SMYD3: variants seen among roughly 807,000 people sequenced by gnomAD.
SMYD3 encodes the protein histone-lysine N-methyltransferase SMYD3.
SMYD3 carries 36 observed loss-of-function variants against 57.7 expected under a neutral mutation model. The observed-to-expected ratio is 0.62, with a 90% CI of 0.48 to 0.82. The LOEUF is 0.82. SMYD3 is among the 40% of genes least tolerant of loss of function. The probability of loss-of-function intolerance (pLI) is 0.00; values close to 1 mark genes in which losing one functional copy is unlikely to be tolerated. For synonymous variants in SMYD3, 211 were observed against 195.0 expected (o/e 1.08, Z -0.68); for missense variants, 515 against 538.8 (o/e 0.96, Z 0.44).
intron 11 of SMYD3, among the ~76,000 whole-genome samples, chr1:245,751,542 A>AAGAG (rs1265115060): frequency 1.8e-4 from 23 of 129,520 alleles, no homozygotes; most frequent in Non-Finnish European, 2.8e-4. Context: ...AAGAGAGAGA[A>AAGAG]AGAGAGAGAG....
At chr1:245,866,792 G>T (rs888557898) in intron 8 of SMYD3, among the ~76,000 whole-genome samples, 1 of 152,092 alleles carries the variant, frequency 6.6e-6, no homozygotes, top group African/African-American at 2.4e-5. Flanking sequence ...CTTTAAGCCC[G>T]TATTCATCTC....
chr1:245,834,502 G>C (rs535932681), intron 10 of SMYD3, among the ~76,000 whole-genome samples: 1 of 152,154 alleles, frequency 6.6e-6, no homozygotes, highest in African/African-American at 2.4e-5. Context: ...TAACTGCCAG[G>C]ACTCATACCT....
intron 1 of SMYD3, among the ~76,000 whole-genome samples, chr1:246,363,990 A>C (rs2066054880): frequency 6.6e-6 from 1 of 152,168 alleles, no homozygotes; most frequent in Admixed American, 6.5e-5. Context: ...CAGAGAAGTC[A>C]ATGTGGTGCT....
intron 5 of SMYD3, among the ~76,000 whole-genome samples, chr1:246,046,702 T>C (rs2059972300): frequency 6.7e-6 from 1 of 149,186 alleles, no homozygotes; most frequent in Non-Finnish European, 1.5e-5. Flanking sequence ...GAAGAAATTT[T>C]ATATACATAT....
At chr1:245,848,828 G>C (rs937421804) in intron 10 of SMYD3, among the ~76,000 whole-genome samples, 3 of 152,174 alleles carry the variant, frequency 2.0e-5, no homozygotes, top group Admixed American at 2.0e-4. Flanking sequence ...AAGGGAAACA[G>C]GTATCCTTGC....
intron 5 of SMYD3, among the ~76,000 whole-genome samples, chr1:246,014,530 G>T (rs922674299): frequency 2.6e-5 from 4 of 152,026 alleles, no homozygotes; most frequent in African/African-American, 9.7e-5. Flanking sequence ...AATCACAGCC[G>T]CATTATTAAT....
intron 5 of SMYD3, among the ~76,000 whole-genome samples, chr1:246,105,317 C>G (rs188762537): frequency 1.7e-4 from 26 of 152,142 alleles, no homozygotes; most frequent in Non-Finnish European, 2.6e-4. Flanking sequence ...AGCACCAAAT[C>G]CCGTTTAGGA....
chr1:245,820,231 C>T (rs569899808), intron 10 of SMYD3, among the ~76,000 whole-genome samples: 20 of 150,746 alleles, frequency 1.3e-4, no homozygotes, highest in African/African-American at 4.6e-4. Flanking sequence ...GGATGCAAGG[C>T]TGGTTCAATA....
intron 5 of SMYD3, among the ~76,000 whole-genome samples, chr1:246,244,238 C>T (rs1300512536): frequency 6.6e-6 from 1 of 152,082 alleles, no homozygotes; most frequent in Non-Finnish European, 1.5e-5. Context: ...GCCAAGGACA[C>T]TTAAATGTAA....
chr1:246,023,105 TTTTGTTCCA>T (rs1421593890), intron 5 of SMYD3, among the ~76,000 whole-genome samples: 3 of 152,210 alleles, frequency 2.0e-5, no homozygotes, highest in Non-Finnish European at 4.4e-5. Context: ...ACAGGCAGGT[TTTTGTTCCA>T]ACTCACAGTG....
At chr1:245,898,623 G>C (rs756198841) in intron 8 of SMYD3, among the ~76,000 whole-genome samples, 1 of 152,162 alleles carries the variant, frequency 6.6e-6, no homozygotes, top group Non-Finnish European at 1.5e-5. Flanking sequence ...GAAATTGAGA[G>C]CCCGGTGAAT....
chr1:246,299,652 G>C (rs1216027844), intron 5 of SMYD3, among the ~76,000 whole-genome samples: 2 of 152,070 alleles, frequency 1.3e-5, no homozygotes, highest in East Asian at 3.9e-4. Context: ...GGAATACTAA[G>C]CAGCCATAAA....
chr1:245,828,404 C>T (rs1368003285), intron 10 of SMYD3, among the ~76,000 whole-genome samples: 3 of 152,178 alleles, frequency 2.0e-5, no homozygotes, highest in African/African-American at 4.8e-5. Context: ...GAGCCATCTA[C>T]ATGTCCCTTT....
At chr1:246,248,824 TTTTTTGTA>T (rs1238674832) in intron 5 of SMYD3, among the ~76,000 whole-genome samples, 1 of 139,226 alleles carries the variant, frequency 7.2e-6, no homozygotes, top group East Asian at 2.2e-4. Flanking sequence ...TTTTTTTTTT[TTTTTTGTA>T]TTTTTACTAG....
At chr1:245,927,687 A>G (rs1477094734) in intron 7 of SMYD3, among the ~76,000 whole-genome samples, 4 of 152,156 alleles carry the variant, frequency 2.6e-5, no homozygotes, top group Non-Finnish European at 5.9e-5. Context: ...TCTCTCACAC[A>G]CAGGACAGGA....
chr1:246,100,635 C>T (rs1272106954), intron 5 of SMYD3, among the ~76,000 whole-genome samples: 2 of 152,186 alleles, frequency 1.3e-5, no homozygotes, highest in African/African-American at 4.8e-5. Context: ...AAGATATTCA[C>T]CCTCAGAGTT....
In SMYD3 at chr1:246,336,944, A is replaced by G. The variant is rs994732333; in HGVS notation, c.229-1470T>C. 2.0e-5 allele frequency among the ~76,000 whole-genome samples: 3 copies of G among 152,214 alleles called. No homozygotes were observed. In the South Asian group the frequency reaches 6.2e-4, roughly 31 times the overall value. On this transcript the variant is annotated intron_variant, in intron 2 of 11. Transcript: ENST00000490107. ...CTCAACTGACAGAAAGTAAAAACAT[A>G]CAGTTTCACCAAGTATTAAATCACA... is the stretch of plus-strand genomic sequence containing the variant.
chr1:246,185,706 C>T (rs995510835), intron 5 of SMYD3, among the ~76,000 whole-genome samples: 1 of 152,066 alleles, frequency 6.6e-6, no homozygotes, highest in Non-Finnish European at 1.5e-5. Context: ...CGTGATCACC[C>T]GCCTCGGCCT....
At chr1:246,398,489 T>C (rs1212058358) in intron 1 of SMYD3, among the ~76,000 whole-genome samples, 6 of 152,240 alleles carry the variant, frequency 3.9e-5, no homozygotes, top group Non-Finnish European at 5.9e-5. Flanking sequence ...AAAGCTACCA[T>C]AGAGAGATGT....
Sources: allele counts gnomAD v4.1 joint callset (sites outside exome capture counted in the v4.1 genomes callset), GRCh38; gene constraint gnomAD v4.1.1; transcripts MANE v1.5; gene names NCBI Gene and HGNC (gene_info 2026-07-23, HGNC 2026-07-21).